The following EIF3B variants were observed in gnomAD, a reference collection of about 807,000 sequenced individuals.
EIF3B encodes the protein eukaryotic translation initiation factor 3 subunit 9.
In EIF3B, 10 loss-of-function variants were observed where a neutral mutation model predicts 104.6. The observed-to-expected ratio is 0.10, with a 90% CI of 0.06 to 0.16. The LOEUF is 0.16. Ranked by LOEUF, EIF3B falls within the 10% of genes least tolerant of loss-of-function variation. EIF3B has a pLI of 1.00. For missense variants in EIF3B, 1,014 were observed against 1,087.9 expected, an observed-to-expected ratio of 0.93 and a Z score of 0.96; for synonymous variants, 542 against 417.2, an observed-to-expected ratio of 1.30 and a Z score of -3.65.
chr7:2,378,826 G>A (rs887846591), intron 16 of EIF3B, 60 bp downstream of exon 16: 9 of 1,450,236 alleles, frequency 6.2e-6, no homozygotes, highest in Non-Finnish European at 8.7e-6. Context: ...GGCAAAGGCG[G>A]GGCTGCGGGG....
chr7:2,365,659 G>T (rs964700613), intron 6 of EIF3B, among the ~76,000 whole-genome samples: 22 of 91,762 alleles, frequency 2.4e-4, no homozygotes, highest in African/African-American at 1.0e-3. Context: ...TTTTTTGTTT[G>T]TTTGTTTGTT....
intron 1 of EIF3B, among the ~76,000 whole-genome samples, chr7:2,355,981 A>G (rs1397307755): frequency 2.0e-5 from 3 of 148,418 alleles, no homozygotes; most frequent in Non-Finnish European, 4.4e-5. Context: ...CGCTAAATCT[A>G]TAAAGAGAGT....
chr7:2,377,628 A>T (rs1167222581), intron 15 of EIF3B, among the ~76,000 whole-genome samples: 155 of 100,468 alleles, frequency 1.5e-3, no homozygotes, highest in African/African-American at 2.0e-3. Context: ...TCTCCTGGGA[A>T]TCCGTGTTCT....
chr7:2,367,824 AATTTTTTTTT>A (rs1562484085), intron 9 of EIF3B, among the ~76,000 whole-genome samples: 1,261 of 101,670 alleles, frequency 0.012, 29 homozygotes, highest in African/African-American at 0.049. Flanking sequence ...CTTTTTTTAA[AATTTTTTTTT>A]TTTTTTTTTT....
chr7:2,356,880 G>A (rs1733243118), intron 1 of EIF3B, among the ~76,000 whole-genome samples: 1 of 151,816 alleles, frequency 6.6e-6, no homozygotes, highest in Non-Finnish European at 1.5e-5. Flanking sequence ...AGACATTTTA[G>A]CATGAAAAGC....
At position 2,355,106 on chromosome 7, in the gene EIF3B, C is replaced by T. The variant is rs1208481747; in HGVS notation, c.185C>T (p.Pro62Leu). The T allele has an allele frequency of 3.0e-6, 4 of 1,355,648 alleles. No individual in the cohort carries two copies. Among genetic ancestry groups the T allele is most frequent in the Non-Finnish European group, 3.8e-6 (4 of 1,059,856 alleles). The allele number at this position is 1,355,648 out of a possible 1,614,324, so 84.0% of individuals were successfully genotyped here. The change falls in exon 1 of 19, where the codon CCG becomes CTG. Residue 62 changes from proline (P) to leucine (L), a missense_variant. By Grantham distance (98) the Pro-to-Leu change is moderately conservative (BLOSUM62 -3). Around this residue, in one of 4 missense-constraint regions of EIF3B, gnomAD observed 488 missense variants for 404.3 expected, o/e 1.21. Coordinates refer to ENST00000360876, the MANE Select transcript of EIF3B (RefSeq NM_001037283.2). ...SEEVGIAEAG[P>L]ESEVRTEPAA... The stretch of plus-strand genomic sequence containing the variant: ...GAGGTGGGGATCGCGGAGGCCGGGC[C>T]GGAGTCCGAGGTGAGGACCGAGCCG...
At chr7:2,356,602 CAAAAAA>C (rs558863981) in intron 1 of EIF3B, among the ~76,000 whole-genome samples, 50 of 90,314 alleles carry the variant, frequency 5.5e-4, no homozygotes, top group African/African-American at 1.7e-3. Context: ...GACTCCGTCT[CAAAAAA>C]AAAAAAAAAA....
intron 18 of EIF3B, 33 bp from the exon 19 acceptor site, chr7:2,380,171 T>A (rs1382596292): frequency 2.9e-6 from 1 of 340,652 alleles, no homozygotes; most frequent in African/African-American, 2.2e-5. Flanking sequence ...TTTGAGGTGG[T>A]GCCGTTTAGG....
chr7:2,373,478 C>T (rs999166716), intron 12 of EIF3B: 3 of 152,304 alleles, frequency 2.0e-5, no homozygotes, highest in African/African-American at 7.2e-5. Context: ...CAGCTGCCCT[C>T]CTGCAGAGCC....
At chr7:2,379,090 C>A in intron 16 of EIF3B, 44 bp from the exon 17 acceptor site, 2 of 1,559,886 alleles carry the variant, frequency 1.3e-6, no homozygotes, top group Non-Finnish European at 1.8e-6. Context: ...GATGGGGAGG[C>A]ACTTGTCTTA....
chr7:2,378,534 C>G (rs1040004466), intron 15 of EIF3B, 155 bp from the exon 16 acceptor site: 36 of 600,566 alleles, frequency 6.0e-5, no homozygotes, highest in Admixed American at 3.0e-4. Flanking sequence ...TGTGAATGAC[C>G]CTGGGTGTCA....
At chr7:2,375,293 G>T in intron 13 of EIF3B, 96 bp from the exon 14 acceptor site, 1 of 1,538,396 alleles carries the variant, frequency 6.5e-7, no homozygotes, top group Non-Finnish European at 8.9e-7. Context: ...GCCGAGGCTG[G>T]CTCCCTGGGG....
intron 1 of EIF3B, among the ~76,000 whole-genome samples, chr7:2,356,658 G>C (rs1779462863): frequency 6.6e-6 from 1 of 151,312 alleles, no homozygotes; most frequent in Non-Finnish European, 1.5e-5. Context: ...AAGTCAGCCA[G>C]GTGTGCTGGT....
chr7:2,356,277 T>G (rs1779431086), intron 1 of EIF3B, among the ~76,000 whole-genome samples: 1 of 152,158 alleles, frequency 6.6e-6, no homozygotes, highest in Non-Finnish European at 1.5e-5. Context: ...ATTTCGGGAA[T>G]AACATGGAGT....
chr7:2,371,009 G>A (rs1362381934), intron 10 of EIF3B, among the ~76,000 whole-genome samples: 1 of 152,106 alleles, frequency 6.6e-6, no homozygotes, highest in Non-Finnish European at 1.5e-5. Flanking sequence ...CTTGCAGTGA[G>A]CCGAGATTGC....
At position 2,375,470 on chromosome 7, in the gene EIF3B, C is replaced by T. The variant is rs771327335; in HGVS notation, c.1971C>T (p.Val657=). Residue 657 remains valine, a synonymous_variant, in exon 14 of 19, where the codon GTC becomes GTT. Transcript: ENST00000360876. ...CAGAGCACTACATGGCTTCCGACGT[C>T]GAATGGGATCCTACTGGGCGCTACG... ...NIAEHYMASD[V]EWDPTGRYVV... 7 of 1,614,060 alleles carry T rather than the reference C, an allele frequency of 4.3e-6. No individual in the cohort carries two copies. In the African/African-American group the frequency reaches 5.3e-5, roughly 12 times the overall value.
chr7:2,378,348 G>T, intron 15 of EIF3B: 1 of 292,636 alleles, frequency 3.4e-6, no homozygotes, highest in Non-Finnish European at 6.3e-6. Context: ...AATGACCCTT[G>T]GTGTCATGGA....
At chr7:2,357,726 C>T (rs1191504129) in intron 1 of EIF3B, among the ~76,000 whole-genome samples, 1 of 152,114 alleles carries the variant, frequency 6.6e-6, no homozygotes, top group Non-Finnish European at 1.5e-5. Flanking sequence ...CACGTGTAAC[C>T]GATGCTTGGG....
chr7:2,358,549 T>TG (rs1779577194), intron 1 of EIF3B, among the ~76,000 whole-genome samples: 1 of 152,118 alleles, frequency 6.6e-6, no homozygotes, highest in Admixed American at 6.6e-5. Context: ...TTATTTGAGA[T>TG]GGAGTCTCAC....
Sources: gnomAD v4.1 joint callset for allele counts (sites outside exome capture counted in the v4.1 genomes callset) on GRCh38, gnomAD v4.1.1 for gene constraint, gnomAD v4.1.1 regional missense constraint, MANE v1.5 for transcripts, NCBI Gene and HGNC (gene_info 2026-07-23, HGNC 2026-07-21) for gene names.